Variants in ICAM1 observed in about 807,000 individuals in gnomAD.
The protein encoded by ICAM1 is intercellular adhesion molecule 1, also known as ICAM-1.
In ICAM1, 28 loss-of-function variants were observed where a neutral mutation model predicts 42.3. That is an observed-to-expected ratio of 0.66 (90% CI 0.49 to 0.91). The LOEUF (loss-of-function observed/expected upper bound fraction) is 0.91, where lower values mean the gene tolerates loss of function less well. Ranked by LOEUF, ICAM1 falls within the 40% of genes least tolerant of loss-of-function variation. The pLI is 0.00. For synonymous variants in ICAM1, 304 were observed against 305.9 expected (o/e 0.99, Z 0.07); for missense variants, 637 against 688.6 (o/e 0.93, Z 0.84).
intron 3 of ICAM1, 48 bp from the exon 4 acceptor site, chr19:10,283,985 C>A: frequency 6.3e-7 from 1 of 1,575,522 alleles, no homozygotes. Context: ...CAGAGAAGGG[C>A]TTCGGGACGT....
chr19:10,282,712 GT>G (rs2040070659), intron 2 of ICAM1, among the ~76,000 whole-genome samples: 1 of 145,394 alleles, frequency 6.9e-6, no homozygotes, highest in Non-Finnish European at 1.5e-5. Context: ...GTTTTGTTTT[GT>G]TTTTTAAAGA....
intron 2 of ICAM1, among the ~76,000 whole-genome samples, chr19:10,278,601 C>T (rs566750908): frequency 4.3e-5 from 5 of 117,578 alleles, no homozygotes; most frequent in East Asian, 2.6e-4. Flanking sequence ...CTTGCTCTGT[C>T]GCCCAGGCTG....
At chr19:10,276,847 T>A (rs1011975430) in intron 2 of ICAM1, among the ~76,000 whole-genome samples, 4 of 150,556 alleles carry the variant, frequency 2.7e-5, no homozygotes, top group African/African-American at 4.9e-5. Flanking sequence ...TAGTGGCACA[T>A]ACCTGTAATC....
chr19:10,283,469 G>A lies in ICAM1; in HGVS notation c.332-12G>A, dbSNP rs1411260180. On this transcript the variant is annotated splice_polypyrimidine_tract_variant and intron_variant, in intron 2 of 6. Transcript: ENST00000264832. ...CACTTCACCAGACACCCCCACCTCT[G>A]TTTTCCTGCAGGGACTCCAGAACGG... The A allele has an allele frequency of 6.5e-7, 1 of 1,534,502 alleles. No individual in the cohort carries two copies. Among genetic ancestry groups the A allele is most frequent in the Non-Finnish European group, 8.8e-7 (1 of 1,140,460 alleles).
Position 10,285,215 on chromosome 19 carries a change from C to G in ICAM1, c.1527C>G (p.Ile509Met). The G allele has an allele frequency of 6.2e-7, 1 of 1,614,138 alleles. No individual in the cohort carries two copies. Among genetic ancestry groups the G allele is most frequent in the Non-Finnish European group, 8.5e-7 (1 of 1,180,010 alleles). The change falls in exon 7 of 7, where the codon ATC (isoleucine) becomes ATG (methionine). Residue 509 changes from isoleucine to methionine, a missense_variant. Ile to Met is a conservative substitution (Grantham distance 10). Coordinates refer to ENST00000264832, the MANE Select transcript of ICAM1 (RefSeq NM_000201.3). Reference sequence around the variant, plus strand: ...ACCTCTATAACCGCCAGCGGAAGATCAAGAAATACAGACTACAACAGGCCC... The same window carrying G: ...ACCTCTATAACCGCCAGCGGAAGATGAAGAAATACAGACTACAACAGGCCC... Reference protein sequence around the residue: ...STYLYNRQRKIKKYRLQQAQK... With the variant: ...STYLYNRQRKMKKYRLQQAQK...
intron 2 of ICAM1, among the ~76,000 whole-genome samples, chr19:10,279,587 G>A (rs572822621): frequency 5.8e-4 from 88 of 152,072 alleles, no homozygotes; most frequent in Middle Eastern, 3.4e-3. Flanking sequence ...GGGTTCAACC[G>A]ATTCTGCTGC....
At position 10,286,533 on chromosome 19, in the gene ICAM1, T is replaced by A; in HGVS notation, c.*1246T>A. 7.4e-6 allele frequency: 1 copy of A among 134,298 alleles called. No individual in the cohort carries two copies. Among genetic ancestry groups the A allele is most frequent in the Non-Finnish European group, 1.7e-5 (1 of 58,900 alleles). The allele number at this position is 134,298 out of a possible 1,614,324, so 8.3% of individuals were successfully genotyped here. ...ACAACACCACACCTGGCAAATTTGA[T>A]TTTTTTTTTTTTTCCAGAGACGGGG... On this transcript the variant is annotated 3_prime_UTR_variant, in exon 7 of 7. Transcript: ENST00000264832.
chr19:10,285,017 T>C lies in ICAM1; in HGVS notation c.1415T>C (p.Val472Ala). 1 of 1,613,754 alleles carries C rather than the reference T, an allele frequency of 6.2e-7. No homozygotes were observed. Among genetic ancestry groups the C allele is most frequent in the Non-Finnish European group, 8.5e-7 (1 of 1,179,948 alleles). The change falls in exon 6 of 7, where the codon GTG (valine) becomes GCG (alanine). Residue 472 changes from valine (V) to alanine (A), a missense_variant. Transcript: ENST00000264832. Reference sequence around the variant, plus strand: ...GGGGAGGTCACCCGCAAGGTGACCGTGAATGTGCTCTGTGAGTGAGCCGGC... The same window carrying C: ...GGGGAGGTCACCCGCAAGGTGACCGCGAATGTGCTCTGTGAGTGAGCCGGC... ...TQGEVTRKVT[V>A]NVLSPRYEIV...
rs773548607 is a variant in ICAM1 at position 10,284,788 on chromosome 19, C to T, written c.1186C>T (p.Pro396Ser). The T allele has an allele frequency of 1.9e-6, 3 of 1,605,980 alleles. No homozygotes were observed. The highest frequency in any genetic ancestry group is 2.5e-6 in the Non-Finnish European group (3 of 1,177,930). The change falls in exon 6 of 7, where the codon CCC becomes TCC. Residue 396 changes from proline to serine, a missense_variant. Physicochemically the swap from Pro to Ser is moderately conservative, Grantham distance 74. Coordinates refer to ENST00000264832, the MANE Select transcript of ICAM1 (RefSeq NM_000201.3). This position sits in a 1 kb window ranked among gnomAD's most constrained non-coding sequence, Gnocchi z 5.4. ...QTRELRVLYG[P>S]RLDERDCPGN... ...ATCTCATCGTGTTTTTCCAGATGGC[C>T]CCCGACTGGACGAGAGGGATTGTCC... is the stretch of plus-strand genomic sequence containing the variant.
At chr19:10,275,068 G>A (rs568780230) in intron 2 of ICAM1, 40 bp downstream of exon 2, 27 of 1,598,274 alleles carry the variant, frequency 1.7e-5, no homozygotes, top group Admixed American at 3.4e-5. Flanking sequence ...AGGCAGACCC[G>A]GTGGGAGAGA....
chr19:10,284,650 T>C lies in ICAM1; in HGVS notation c.1173T>C (p.Arg391=), dbSNP rs762182509. 1 of 1,613,948 alleles carries C rather than the reference T, an allele frequency of 6.2e-7. No homozygotes were observed. The highest frequency in any genetic ancestry group is 1.3e-5 in the African/African-American group (1 of 75,002). ...ACAAGAACCAGACCCGGGAGCTTCG[T>C]GTCCTGTGTGAGTGGGGCTGCTGGT... The part of the protein sequence containing the change: ...LIHKNQTREL[R]VLYGPRLDER... Residue 391 remains arginine (R), a synonymous_variant, in exon 5 of 7, where the codon CGT becomes CGC. Transcript: ENST00000264832. This position sits in a 1 kb window ranked among gnomAD's most constrained non-coding sequence, Gnocchi z 5.4.
chr19:10,281,620 T>G (rs781175715), intron 2 of ICAM1, among the ~76,000 whole-genome samples: 86 of 152,176 alleles, frequency 5.7e-4, no homozygotes, highest in Non-Finnish European at 1.1e-3. Context: ...AATAGCCCTA[T>G]TTTACAGTTC....
chr19:10,280,766 T>C (rs565257789), intron 2 of ICAM1, among the ~76,000 whole-genome samples: 3 of 151,700 alleles, frequency 2.0e-5, no homozygotes, highest in South Asian at 4.2e-4. Flanking sequence ...ACAGGGTTTC[T>C]CCATGTTGGT....
chr19:10,279,936 A>T (rs1270543053), intron 2 of ICAM1, among the ~76,000 whole-genome samples: 1 of 150,606 alleles, frequency 6.6e-6, no homozygotes, highest in African/African-American at 2.4e-5. Flanking sequence ...CAGGTGGAGG[A>T]GCTGGGACTT....
chr19:10,274,634 T>C, intron 1 of ICAM1, 131 bp from the exon 2 acceptor site: 2 of 1,067,738 alleles, frequency 1.9e-6, no homozygotes, highest in Non-Finnish European at 2.6e-6. Flanking sequence ...ATTTTCTCTT[T>C]AACTTCCACA....
intron 2 of ICAM1, among the ~76,000 whole-genome samples, chr19:10,278,881 C>T (rs2040036097): frequency 6.6e-6 from 1 of 151,930 alleles, no homozygotes; most frequent in South Asian, 2.1e-4. Flanking sequence ...AGGTTTGAGA[C>T]CTGGCTCTGC....
chr19:10,273,714 A>G (rs1728333502), intron 1 of ICAM1, among the ~76,000 whole-genome samples: 1 of 150,756 alleles, frequency 6.6e-6, no homozygotes, highest in Non-Finnish European at 1.5e-5. Flanking sequence ...TATTGCCCTC[A>G]GTATAAAGAA....
intron 3 of ICAM1, 32 bp downstream of exon 3, chr19:10,283,818 TGG>T: frequency 6.9e-7 from 1 of 1,455,222 alleles, no homozygotes. Context: ...AGGGAGAAGG[TGG>T]GGGTGGGGTA....
At chr19:10,276,817 C>CA (rs1224449431) in intron 2 of ICAM1, among the ~76,000 whole-genome samples, 2 of 150,484 alleles carry the variant, frequency 1.3e-5, no homozygotes, top group African/African-American at 2.4e-5. Context: ...ATTAAAAATA[C>CA]AAAAAAAACT....
Sources: gnomAD v4.1 joint callset for allele counts (sites outside exome capture counted in the v4.1 genomes callset) on GRCh38, gnomAD v4.1.1 for gene constraint, Gnocchi (gnomAD v3.1) non-coding constraint, MANE v1.5 for transcripts, NCBI Gene and HGNC (gene_info 2026-07-23, HGNC 2026-07-21) for gene names.